CNIH2: variants seen among roughly 807,000 people sequenced by gnomAD.
CNIH2 encodes the protein cornichon family AMPA receptor auxiliary protein 2.
CNIH2 carries 8 observed loss-of-function variants against 22.9 expected under a neutral mutation model. The ratio of observed to expected loss-of-function variants is 0.35; its 90% confidence interval spans 0.20 to 0.63. CNIH2 has a LOEUF of 0.63. CNIH2 is among the 30% of genes least tolerant of loss of function. CNIH2 has a pLI of 0.72. For missense variants in CNIH2, 105 were observed against 206.2 expected, an observed-to-expected ratio of 0.51 and a Z score of 3.01; for synonymous variants, 74 against 78.2, an observed-to-expected ratio of 0.95 and a Z score of 0.28.
chr11:66,282,928 G>C (rs1156922812), intron 3 of CNIH2, 107 bp from the exon 4 acceptor site: 1 of 1,355,098 alleles, frequency 7.4e-7, no homozygotes, highest in African/African-American at 1.4e-5. Context: ...TTAATCCCCA[G>C]AGGTCACGGT....
intron 1 of CNIH2, among the ~76,000 whole-genome samples, chr11:66,280,702 TC>T (rs1291530913): frequency 2.6e-5 from 4 of 152,030 alleles, no homozygotes; most frequent in Non-Finnish European, 4.4e-5. Flanking sequence ...ACCCTTCTGC[TC>T]CCTGTGGACC....
At chr11:66,282,378 A>G (rs1467644861) in intron 2 of CNIH2, 51 bp downstream of exon 2, 2 of 1,157,890 alleles carry the variant, frequency 1.7e-6, no homozygotes, top group Non-Finnish European at 2.3e-6. Flanking sequence ...CTGTCTTTCC[A>G]TCTGTCGTGG....
At chr11:66,278,915 G>GCT (rs1857211047) in intron 1 of CNIH2, among the ~76,000 whole-genome samples, 1 of 30,100 alleles carries the variant, frequency 3.3e-5, no homozygotes, top group East Asian at 1.0e-3. Context: ...TCTGTCTGCT[G>GCT]CCCCCCCCCC....
At chr11:66,279,303 T>TC (rs1260645467) in intron 1 of CNIH2, among the ~76,000 whole-genome samples, 3 of 151,864 alleles carry the variant, frequency 2.0e-5, no homozygotes, top group Middle Eastern at 3.4e-3. Context: ...ACCCATCGCT[T>TC]CCCCCAGGCT....
At chr11:66,282,402 G>A in intron 2 of CNIH2, 75 bp downstream of exon 2, 1 of 890,736 alleles carries the variant, frequency 1.1e-6, no homozygotes, top group South Asian at 1.5e-5. Context: ...GGGGGTGGGA[G>A]ACGGGAAGAC....
At chr11:66,282,216 A>G in intron 1 of CNIH2, 43 bp from the exon 2 acceptor site, 1 of 1,549,022 alleles carries the variant, frequency 6.5e-7, no homozygotes, top group Non-Finnish European at 8.9e-7. Flanking sequence ...GGAAGGCCAT[A>G]AGCTGCTGCC....
At chr11:66,279,702 T>C (rs1302194198) in intron 1 of CNIH2, among the ~76,000 whole-genome samples, 1 of 152,064 alleles carries the variant, frequency 6.6e-6, no homozygotes, top group Non-Finnish European at 1.5e-5. Context: ...TGCCGCCTGC[T>C]CCATGGTTCC....
rs1243468830 is a variant in CNIH2, at chr11:66,283,697, G to A, written c.*100G>A. 7.3e-7 allele frequency: 1 copy of A among 1,375,236 alleles called. No homozygotes were observed. The highest frequency in any genetic ancestry group is 9.9e-7 in the Non-Finnish European group (1 of 1,005,532). The allele number at this position is 1,375,236 out of a possible 1,614,324, so 85.2% of individuals were successfully genotyped here. On this transcript the variant is annotated 3_prime_UTR_variant, in exon 6 of 6. Coordinates refer to ENST00000311445, the MANE Select transcript of CNIH2 (RefSeq NM_182553.3). ...AGAGGCCTCAGCCCTGGGGAGGGAG[G>A]GGGCACTGGTGCCCCCAGCCTCTCC...
intron 1 of CNIH2, among the ~76,000 whole-genome samples, chr11:66,281,200 C>T (rs556739959): frequency 1.2e-4 from 19 of 152,170 alleles, no homozygotes; most frequent in African/African-American, 4.3e-4. Context: ...CCCTCCAAAC[C>T]GTCCCCTTGC....
At chr11:66,279,535 C>T (rs1857227553) in intron 1 of CNIH2, among the ~76,000 whole-genome samples, 1 of 151,976 alleles carries the variant, frequency 6.6e-6, no homozygotes, top group Non-Finnish European at 1.5e-5. Flanking sequence ...CTGCTCACAC[C>T]TCCCGCGCAC....
At position 66,283,670 on chromosome 11, in the gene CNIH2, G is replaced by C; in HGVS notation, c.*73G>C. 1 of 1,511,504 alleles carries C rather than the reference G, an allele frequency of 6.6e-7. No individual in the cohort carries two copies. The highest frequency in any genetic ancestry group is 1.2e-5 in the South Asian group (1 of 82,582). The allele number at this position is 1,511,504 out of a possible 1,614,324, so 93.6% of individuals were successfully genotyped here. On this transcript the variant is annotated 3_prime_UTR_variant, in exon 6 of 6. Transcript: ENST00000311445. ...GCACCCCCAGCCCTGCCCCTTGGCCGCAGAGGCCTCAGCCCTGGGGAGGGA... is the reference window on the plus strand; with the variant it reads ...GCACCCCCAGCCCTGCCCCTTGGCCCCAGAGGCCTCAGCCCTGGGGAGGGA...
chr11:66,280,789 G>C (rs1281781070), intron 1 of CNIH2, among the ~76,000 whole-genome samples: 1 of 152,134 alleles, frequency 6.6e-6, no homozygotes, highest in Non-Finnish European at 1.5e-5. Context: ...GATCCAGATG[G>C]CCTCAGCTCC....
At chr11:66,281,533 T>C (rs1327605495) in intron 1 of CNIH2, 1 of 453,854 alleles carries the variant, frequency 2.2e-6, no homozygotes, top group Non-Finnish European at 4.4e-6. Context: ...ACTCTGCTGC[T>C]GTGTACTCTT....
At position 66,283,917 on chromosome 11, in the gene CNIH2, G is replaced by A. The variant is rs1350387422; in HGVS notation, c.*320G>A. On this transcript the variant is annotated 3_prime_UTR_variant, in exon 6 of 6. Coordinates refer to ENST00000311445, the MANE Select transcript of CNIH2 (RefSeq NM_182553.3). ...CGGGGGAAACTTGGGCCCTGCCAAGGGGCAGAGCTTGACCCTGGAAATTCT... is the reference window on the plus strand; with the variant it reads ...CGGGGGAAACTTGGGCCCTGCCAAGAGGCAGAGCTTGACCCTGGAAATTCT... 1 of 332,450 alleles carries A rather than the reference G, an allele frequency of 3.0e-6. No individual in the cohort carries two copies. The highest frequency in any genetic ancestry group is 6.0e-5 in the East Asian group (1 of 16,582). The allele number at this position is 332,450 out of a possible 1,614,324, so 20.6% of individuals were successfully genotyped here. A position where few individuals can be genotyped will look rare whatever the true frequency, so the allele number is the denominator to read the frequency against.
In CNIH2 at chr11:66,283,651, C is replaced by A; in HGVS notation, c.*54C>A. 1 of 1,545,958 alleles carries A rather than the reference C, an allele frequency of 6.5e-7. No individual in the cohort carries two copies. Among genetic ancestry groups the A allele is most frequent in the Non-Finnish European group, 8.7e-7 (1 of 1,143,204 alleles). ...GAACGGACCGGACGCCTGTGCACCC[C>A]CAGCCCTGCCCCTTGGCCGCAGAGG... is the stretch of plus-strand genomic sequence containing the variant. On this transcript the variant is annotated 3_prime_UTR_variant, in exon 6 of 6. Transcript: ENST00000311445.
At position 66,283,789 on chromosome 11, in the gene CNIH2, G is replaced by C. The variant is rs1480576750; in HGVS notation, c.*192G>C. 1.5e-5 allele frequency: 9 copies of C among 608,276 alleles called. No homozygotes were observed. The highest frequency in any genetic ancestry group is 1.4e-4 in the East Asian group (5 of 35,622). 37.7% of individuals were successfully genotyped at this position (608,276 alleles called of 1,614,324 possible). ...CTTCAGAGCCCTCCCCCTTGGACTA[G>C]AGCGGCTGGGCAGAGCTCTAAACAG... On this transcript the variant is annotated 3_prime_UTR_variant, in exon 6 of 6. Transcript: ENST00000311445.
rs558727145 is a variant in CNIH2 at position 66,282,884 on chromosome 11, T to G, written c.198+104T>G. Reference sequence around the variant, plus strand: ...CCTGCTTTGGGCCTGTTTGATCCACTCTACTTGGGAGGGAGTGGGAAGCCA... The same window carrying G: ...CCTGCTTTGGGCCTGTTTGATCCACGCTACTTGGGAGGGAGTGGGAAGCCA... On this transcript the variant is annotated intron_variant, in intron 3 of 5. Transcript: ENST00000311445. 4 of 1,455,018 alleles carry G rather than the reference T, an allele frequency of 2.7e-6. No homozygotes were observed. The African/African-American group carries it at 4.2e-5, about 15-fold the overall frequency. 90.1% of individuals were successfully genotyped at this position (1,455,018 alleles called of 1,614,324 possible).
Position 66,283,750 on chromosome 11 carries a change from C to T in CNIH2, c.*153C>T. 1.3e-6 allele frequency: 1 copy of T among 767,070 alleles called. No individual in the cohort carries two copies. Among genetic ancestry groups the T allele is most frequent in the Non-Finnish European group, 2.1e-6 (1 of 482,788 alleles). The allele number at this position is 767,070 out of a possible 1,614,324, so 47.5% of individuals were successfully genotyped here. ...CCCCCAAACTGCTGCTGCGGGGAAC[C>T]CCCCCCACCCCGCCTTCAGAGCCCT... On this transcript the variant is annotated 3_prime_UTR_variant, in exon 6 of 6. Transcript: ENST00000311445.
chr11:66,282,711 G>T, intron 2 of CNIH2, 22 bp from the exon 3 acceptor site: 1 of 1,613,586 alleles, frequency 6.2e-7, no homozygotes, highest in Non-Finnish European at 8.5e-7. Flanking sequence ...ACCCCATCGC[G>T]GCCTTTTCCT....
Sources: gnomAD v4.1 joint callset for allele counts (sites outside exome capture counted in the v4.1 genomes callset) on GRCh38, gnomAD v4.1.1 for gene constraint, MANE v1.5 for transcripts, NCBI Gene and HGNC (gene_info 2026-07-23, HGNC 2026-07-21) for gene names.